MAPK6: variants seen among roughly 807,000 people sequenced by gnomAD.
The protein encoded by MAPK6 is ERK-3.
Under a neutral mutation model 59.3 loss-of-function variants are expected in MAPK6, and 19 were observed. That is an observed-to-expected ratio of 0.32 (90% CI 0.22 to 0.47). The LOEUF (loss-of-function observed/expected upper bound fraction) is 0.47. Among genes scored for constraint, MAPK6 ranks in the 20% least tolerant of loss-of-function variants. The pLI is 1.00. For synonymous variants in MAPK6, 316 were observed against 290.3 expected, an observed-to-expected ratio of 1.09 and a Z score of -0.90; for missense variants, 724 against 847.9, an observed-to-expected ratio of 0.85 and a Z score of 1.81.
chr15:52,036,927 T>C (rs894245356), intron 1 of MAPK6, among the ~76,000 whole-genome samples: 2 of 152,062 alleles, frequency 1.3e-5, no homozygotes, highest in Admixed American at 6.6e-5. Context: ...TTGTAAGCCT[T>C]CTTCAGTTTG....
chr15:52,017,302 T>C (rs1470095732), upstream of MAPK6: 1 of 152,092 alleles, frequency 6.6e-6, no homozygotes. Context: ...AGAGCAATGG[T>C]TTGGGGGCAG....
chr15:52,024,821 C>G (rs1349631703), intron 1 of MAPK6: 1 of 148,026 alleles, frequency 6.8e-6, no homozygotes, highest in East Asian at 2.0e-4. Context: ...CTCCTGGACT[C>G]AAGTAATCCT....
At chr15:52,027,749 C>CCTTA (rs1555397662) in intron 1 of MAPK6, 1 of 146,408 alleles carries the variant, frequency 6.8e-6, no homozygotes, top group African/African-American at 2.5e-5. Context: ...GTTGATTTCT[C>CCTTA]TTTATTTATT....
chr15:51,980,954 AAGAC>A (rs2057171086), intron 1 of MAPK6, among the ~76,000 whole-genome samples: 1 of 151,750 alleles, frequency 6.6e-6, no homozygotes, highest in Non-Finnish European at 1.5e-5. Context: ...TATCCAGAAA[AAGAC>A]AGAAAACATA....
intron 1 of MAPK6, among the ~76,000 whole-genome samples, chr15:52,044,743 G>T (rs531506644): frequency 6.6e-6 from 1 of 151,798 alleles, no homozygotes; most frequent in Non-Finnish European, 1.5e-5. Flanking sequence ...TATTTTAAGT[G>T]TACAGAGATC....
chr15:51,989,281 G>A (rs1337605079), intron 2 of MAPK6, among the ~76,000 whole-genome samples: 1 of 151,808 alleles, frequency 6.6e-6, no homozygotes, highest in African/African-American at 2.4e-5. Context: ...ATTTCAACAT[G>A]TTAGCCAGGC....
Position 52,064,831 on chromosome 15 carries a change from G to C in MAPK6, c.1997G>C (p.Gly666Ala). ...GHEEGFLNNS[G>A]EFLFNKQLES... is the part of the protein sequence containing the mutation. ...GAGGAAGGATTTCTGAACAACAGTGGGGAGTTCCTCTTTAACAAGCAGCTC... is the reference window on the plus strand; with the variant it reads ...GAGGAAGGATTTCTGAACAACAGTGCGGAGTTCCTCTTTAACAAGCAGCTC... The change falls in exon 6 of 6, where the codon GGG becomes GCG. Residue 666 changes from glycine (G) to alanine (A), a missense_variant. Physicochemically the swap from Gly to Ala is moderately conservative, Grantham distance 60. Transcript: ENST00000261845. 1 of 1,611,868 alleles carries C rather than the reference G, an allele frequency of 6.2e-7. No homozygotes were observed. Among genetic ancestry groups the C allele is most frequent in the Non-Finnish European group, 8.5e-7 (1 of 1,179,802 alleles).
At chr15:51,988,249 G>T (rs986042128) in intron 2 of MAPK6, among the ~76,000 whole-genome samples, 1 of 151,966 alleles carries the variant, frequency 6.6e-6, no homozygotes, top group Non-Finnish European at 1.5e-5. Flanking sequence ...TTTTCTTAGA[G>T]ATACCCACAG....
chr15:51,990,681 T>A (rs956551333), intron 2 of MAPK6, among the ~76,000 whole-genome samples: 23 of 152,172 alleles, frequency 1.5e-4, no homozygotes, highest in Non-Finnish European at 3.1e-4. Flanking sequence ...CCAGGCGCAG[T>A]GGCTCACGCC....
chr15:52,060,031 A>G (rs2032138194), intron 4 of MAPK6, among the ~76,000 whole-genome samples: 1 of 152,134 alleles, frequency 6.6e-6, no homozygotes, highest in African/African-American at 2.4e-5. Context: ...ACTCTGGTTA[A>G]TTTCCCTCTA....
At chr15:51,985,579 T>C (rs1266695349) in intron 2 of MAPK6, among the ~76,000 whole-genome samples, 1 of 150,486 alleles carries the variant, frequency 6.6e-6, no homozygotes, top group Non-Finnish European at 1.5e-5. Context: ...TTCTTGAACC[T>C]GGGAGATGGA....
At chr15:51,994,658 A>G (rs1320357502) in intron 2 of MAPK6, among the ~76,000 whole-genome samples, 1 of 152,242 alleles carries the variant, frequency 6.6e-6, no homozygotes, top group East Asian at 1.9e-4. Context: ...GTAACTTTAC[A>G]GTGGAAAAGT....
In MAPK6 at chr15:52,034,319, G is replaced by A. The variant is rs552212003; in HGVS notation, c.-631-11511G>A. ...CTTTTAAGAATCATTCTTTTTTGTCGTTCGTTTTTTTTTTGAGACAGTCTC... is the reference window on the plus strand; with the variant it reads ...CTTTTAAGAATCATTCTTTTTTGTCATTCGTTTTTTTTTTGAGACAGTCTC... On this transcript the variant is annotated intron_variant, in intron 1 of 5. Coordinates refer to ENST00000261845, the MANE Select transcript of MAPK6 (RefSeq NM_002748.4). Among the ~76,000 whole-genome samples, 6 of 148,870 alleles carry A rather than the reference G, an allele frequency of 4.0e-5. No individual in the cohort carries two copies. The South Asian group carries it at 8.6e-4, about 21-fold the overall frequency.
intron 1 of MAPK6, among the ~76,000 whole-genome samples, chr15:52,030,273 C>T (rs2030975760): frequency 6.6e-6 from 1 of 152,182 alleles, no homozygotes; most frequent in Non-Finnish European, 1.5e-5. Flanking sequence ...GTTTGTTGGT[C>T]TTTCCTTACT....
chr15:51,980,171 T>C, intron 1 of MAPK6, among the ~76,000 whole-genome samples: 1 of 151,250 alleles, frequency 6.6e-6, no homozygotes, highest in East Asian at 1.9e-4. Context: ...GGCGGGCACC[T>C]GTAATCCCAG....
chr15:51,985,815 C>T (rs1424917820), intron 2 of MAPK6, among the ~76,000 whole-genome samples: 1 of 150,702 alleles, frequency 6.6e-6, no homozygotes, highest in Non-Finnish European at 1.5e-5. Context: ...AAAATTAGCC[C>T]GGCATGGTGG....
chr15:52,029,715 A>G (rs1054365415), intron 1 of MAPK6, among the ~76,000 whole-genome samples: 1 of 152,136 alleles, frequency 6.6e-6, no homozygotes, highest in African/African-American at 2.4e-5. Context: ...TAGCTAATCC[A>G]TCATCAAGTT....
chr15:52,030,022 C>T (rs929157514), intron 1 of MAPK6, among the ~76,000 whole-genome samples: 5 of 152,226 alleles, frequency 3.3e-5, no homozygotes, highest in African/African-American at 1.2e-4. Context: ...CTTCCTTCCT[C>T]ATTGCTACCT....
At chr15:52,036,828 CCT>C (rs910646359) in intron 1 of MAPK6, among the ~76,000 whole-genome samples, 9 of 151,980 alleles carry the variant, frequency 5.9e-5, no homozygotes, top group African/African-American at 2.2e-4. Flanking sequence ...CCTCCTCTCC[CCT>C]CCCCTCCCCT....
Sources: allele counts gnomAD v4.1 joint callset (sites outside exome capture counted in the v4.1 genomes callset), GRCh38; gene constraint gnomAD v4.1.1; transcripts MANE v1.5; gene names NCBI Gene and HGNC (gene_info 2026-07-23, HGNC 2026-07-21).